The following PIAS1 variants were observed in gnomAD, a reference collection of about 807,000 sequenced individuals.
PIAS1 encodes E3 SUMO-protein ligase PIAS1.
Under a neutral mutation model 71.3 loss-of-function variants are expected in PIAS1, and 6 were observed. That is an observed-to-expected ratio of 0.08 (90% CI 0.05 to 0.17). The LOEUF is 0.17. Ranked by LOEUF, PIAS1 falls within the 10% of genes least tolerant of loss-of-function variation. The pLI is 1.00. For synonymous variants in PIAS1, 303 were observed against 292.9 expected (o/e 1.03, Z -0.35); for missense variants, 555 against 793.6 (o/e 0.70, Z 3.61).
At position 68,185,983 on chromosome 15, in the gene PIAS1, A is replaced by ACAAG. The variant is rs1555435050; in HGVS notation, c.1663-1559_1663-1558insCAAG. Among the ~76,000 whole-genome samples, 1 of 149,470 alleles carries ACAAG rather than the reference A, an allele frequency of 6.7e-6. No homozygotes were observed. The highest frequency in any genetic ancestry group is 2.5e-5 in the African/African-American group (1 of 40,470). ...TCCATCTCAAAAACAAAACAAACAA[A>ACAAG]AAAAACATGGGCCCTAACAATGAAA... is the stretch of plus-strand genomic sequence containing the variant. On this transcript the variant is annotated intron_variant, in intron 13 of 13. Transcript: ENST00000249636. This position sits in a 1 kb window ranked among gnomAD's most constrained non-coding sequence, Gnocchi z 4.4.
chr15:68,181,436 G>A, intron 12 of PIAS1, 82 bp downstream of exon 12: 1 of 1,340,838 alleles, frequency 7.5e-7, no homozygotes, highest in South Asian at 1.3e-5. Context: ...GTGAATCTAA[G>A]GAAGAACTGG....
At position 68,187,472 on chromosome 15, in the gene PIAS1, C is replaced by T. The variant is rs896316986; in HGVS notation, c.1663-70C>T. 1.9e-5 allele frequency: 27 copies of T among 1,399,786 alleles called. No homozygotes were observed. In the Admixed American group the frequency reaches 2.3e-4, roughly 12 times the overall value. 86.7% of individuals were successfully genotyped at this position (1,399,786 alleles called of 1,614,324 possible). A position where few individuals can be genotyped will look rare whatever the true frequency, so the allele number is the denominator to read the frequency against. ...CTATCTTAAATTTAGGGCTGTGTCC[C>T]GCTGAGGAGAAAATATATTAATTTG... On this transcript the variant is annotated intron_variant, in intron 13 of 13. Coordinates refer to ENST00000249636, the MANE Select transcript of PIAS1 (RefSeq NM_016166.3). The surrounding 1 kb of genome is among the most constrained non-coding windows in gnomAD (Gnocchi z 5.3).
chr15:68,092,996 A>G (rs749554210), intron 2 of PIAS1, among the ~76,000 whole-genome samples: 1 of 152,220 alleles, frequency 6.6e-6, no homozygotes, highest in Non-Finnish European at 1.5e-5. Context: ...ACTTTAATGT[A>G]TATTTATTTG....
At chr15:68,075,078 CTTTTTTTTTTTTTT>C (rs146114696) in intron 1 of PIAS1, among the ~76,000 whole-genome samples, 4 of 81,782 alleles carry the variant, frequency 4.9e-5, no homozygotes, top group Admixed American at 1.4e-4. Flanking sequence ...TTCTTTCTTT[CTTTTTTTTTTTTTT>C]TTTTTTTTTT....
At chr15:68,169,015 A>C (rs1224977838) in intron 8 of PIAS1, among the ~76,000 whole-genome samples, 1 of 152,172 alleles carries the variant, frequency 6.6e-6, no homozygotes, top group Non-Finnish European at 1.5e-5. Context: ...TGGATTCTGA[A>C]ACAATCTTTA....
At chr15:68,137,663 T>A (rs1162075911) in intron 2 of PIAS1, among the ~76,000 whole-genome samples, 1 of 152,180 alleles carries the variant, frequency 6.6e-6, no homozygotes, top group Non-Finnish European at 1.5e-5. Context: ...ATTTGAAGGC[T>A]TGACAAGTTA....
At chr15:68,114,283 CTG>C (rs1302511004) in intron 2 of PIAS1, among the ~76,000 whole-genome samples, 2 of 151,958 alleles carry the variant, frequency 1.3e-5, no homozygotes, top group African/African-American at 2.4e-5. Flanking sequence ...TATTTTATGA[CTG>C]TATTCTCATA....
intron 2 of PIAS1, among the ~76,000 whole-genome samples, chr15:68,103,459 A>G (rs953815980): frequency 1.3e-5 from 2 of 151,844 alleles, no homozygotes; most frequent in African/African-American, 4.8e-5. Context: ...CTTTATTGAC[A>G]TATAATTCAT....
At chr15:68,081,790 A>G (rs943409689) in intron 1 of PIAS1, among the ~76,000 whole-genome samples, 3 of 152,150 alleles carry the variant, frequency 2.0e-5, no homozygotes, top group African/African-American at 7.2e-5. Flanking sequence ...TAATAAGTGT[A>G]TAAGAAAGAG....
intron 2 of PIAS1, among the ~76,000 whole-genome samples, chr15:68,129,579 A>G (rs1034198702): frequency 5.9e-5 from 9 of 152,168 alleles, no homozygotes; most frequent in African/African-American, 1.9e-4. Context: ...TTATGATTTA[A>G]AAAGATGAAG....
chr15:68,076,367 C>T (rs756352078), intron 1 of PIAS1, among the ~76,000 whole-genome samples: 1 of 152,124 alleles, frequency 6.6e-6, no homozygotes, highest in South Asian at 2.1e-4. Flanking sequence ...ATTAGCCAGG[C>T]ATGGTGGCAT....
chr15:68,057,277 A>G (rs2091906594), intron 1 of PIAS1, among the ~76,000 whole-genome samples: 1 of 152,204 alleles, frequency 6.6e-6, no homozygotes, highest in South Asian at 2.1e-4. Context: ...TTAGGGGAGT[A>G]CCCATAAATG....
At chr15:68,110,618 T>C (rs765249379) in intron 2 of PIAS1, among the ~76,000 whole-genome samples, 2 of 151,696 alleles carry the variant, frequency 1.3e-5, no homozygotes, top group Non-Finnish European at 2.9e-5. Flanking sequence ...AAAAATTAGC[T>C]GGGCATGGTG....
At chr15:68,059,313 A>G (rs1489620929) in intron 1 of PIAS1, among the ~76,000 whole-genome samples, 1 of 152,004 alleles carries the variant, frequency 6.6e-6, no homozygotes, top group Non-Finnish European at 1.5e-5. Flanking sequence ...CCAGGCCCAG[A>G]TTATTCTCCT....
intron 2 of PIAS1, among the ~76,000 whole-genome samples, chr15:68,126,699 A>G (rs1034687798): frequency 2.0e-5 from 3 of 152,210 alleles, no homozygotes; most frequent in Non-Finnish European, 2.9e-5. Flanking sequence ...TGCTGTAATT[A>G]CAGGCATGAG....
intron 2 of PIAS1, among the ~76,000 whole-genome samples, chr15:68,132,428 T>C (rs2092694706): frequency 1.3e-5 from 2 of 151,806 alleles, no homozygotes; most frequent in South Asian, 2.1e-4. Flanking sequence ...TGAGCCGAGA[T>C]GGCACCACTG....
chr15:68,058,230 A>G (rs1395072654), intron 1 of PIAS1, among the ~76,000 whole-genome samples: 1 of 152,204 alleles, frequency 6.6e-6, no homozygotes, highest in Admixed American at 6.5e-5. Flanking sequence ...ACTTCATAGA[A>G]TTGATTGTGG....
At chr15:68,062,745 C>G (rs928328924) in intron 1 of PIAS1, among the ~76,000 whole-genome samples, 13 of 152,114 alleles carry the variant, frequency 8.5e-5, no homozygotes, top group Admixed American at 2.6e-4. Flanking sequence ...GAGAACAAAA[C>G]TAGGCACATA....
chr15:68,092,170 CTTAT>C (rs2092337104), intron 2 of PIAS1, among the ~76,000 whole-genome samples: 1 of 151,806 alleles, frequency 6.6e-6, no homozygotes, highest in Non-Finnish European at 1.5e-5. Context: ...ATGAGTGTTA[CTTAT>C]TTTTTTTCTT....
Sources: gnomAD v4.1 joint callset for allele counts (sites outside exome capture counted in the v4.1 genomes callset) on GRCh38, gnomAD v4.1.1 for gene constraint, Gnocchi (gnomAD v3.1) non-coding constraint, MANE v1.5 for transcripts, NCBI Gene and HGNC (gene_info 2026-07-23, HGNC 2026-07-21) for gene names.